The following LSAMP variants were observed in gnomAD, a reference collection of about 807,000 sequenced individuals.
LSAMP encodes limbic system-associated membrane protein.
In LSAMP, 7 loss-of-function variants were observed where a neutral mutation model predicts 38.6. The observed-to-expected ratio is 0.18, with a 90% CI of 0.10 to 0.34. LSAMP has a LOEUF of 0.34. Ranked by LOEUF, LSAMP falls within the 10% of genes least tolerant of loss-of-function variation. The probability of loss-of-function intolerance (pLI) is 1.00; values close to 1 mark genes in which losing one functional copy is unlikely to be tolerated. For synonymous variants in LSAMP, 154 were observed against 166.8 expected, an observed-to-expected ratio of 0.92 and a Z score of 0.59; for missense variants, 313 against 420.0, an observed-to-expected ratio of 0.75 and a Z score of 2.23.
chr3:116,086,644 C>G (rs1018587149), intron 1 of LSAMP, 88 bp from the exon 2 acceptor site: 2 of 978,478 alleles, frequency 2.0e-6, no homozygotes, highest in Middle Eastern at 2.1e-4. Context: ...CAAGTCTAAA[C>G]AAGGAAAATA....
chr3:115,816,743 C>T (rs41271383), intron 6 of LSAMP: 42 of 571,180 alleles, frequency 7.4e-5, no homozygotes, highest in African/African-American at 2.8e-4. Flanking sequence ...CACTGAAAGG[C>T]GAATAAGAGA....
At chr3:116,054,439 A>T (rs188480550) in intron 2 of LSAMP, among the ~76,000 whole-genome samples, 1 of 152,174 alleles carries the variant, frequency 6.6e-6, no homozygotes, top group Non-Finnish European at 1.5e-5. Context: ...TACCTCAGAC[A>T]TACTTAGCCC....
chr3:116,185,846 C>T (rs954752413), intron 1 of LSAMP, among the ~76,000 whole-genome samples: 2 of 147,754 alleles, frequency 1.4e-5, no homozygotes, highest in Non-Finnish European at 3.0e-5. Context: ...TTACTTACTG[C>T]TGAAAATGGA....
chr3:116,111,072 G>C (rs1288793705), intron 1 of LSAMP, among the ~76,000 whole-genome samples: 2 of 152,246 alleles, frequency 1.3e-5, no homozygotes, highest in Admixed American at 6.5e-5. Flanking sequence ...AGTTAAGGTG[G>C]GGCAGGAACA....
chr3:116,376,590 AT>A (rs1008960066), intron 1 of LSAMP, among the ~76,000 whole-genome samples: 1 of 151,942 alleles, frequency 6.6e-6, no homozygotes, highest in African/African-American at 2.4e-5. Context: ...GTCTGTAAGC[AT>A]TTTTTTCTTA....
chr3:115,997,753 T>TATATATACATAC (rs1377845663), intron 3 of LSAMP, among the ~76,000 whole-genome samples: 1 of 124,976 alleles, frequency 8.0e-6, no homozygotes, highest in African/African-American at 3.2e-5. Context: ...TATATATATA[T>TATATATACATAC]ACACACACAT....
intron 3 of LSAMP, among the ~76,000 whole-genome samples, chr3:115,951,818 G>A (rs1446641491): frequency 2.6e-5 from 4 of 151,970 alleles, no homozygotes; most frequent in Non-Finnish European, 5.9e-5. Flanking sequence ...CCTTCTGATT[G>A]TGTGAGTCAA....
intron 1 of LSAMP, among the ~76,000 whole-genome samples, chr3:116,087,735 C>A (rs887426176): frequency 5.9e-5 from 9 of 152,164 alleles, no homozygotes; most frequent in African/African-American, 1.7e-4. Context: ...AAAATTGATG[C>A]ATAACCCATA....
chr3:116,297,812 C>T (rs2047356195), intron 1 of LSAMP, among the ~76,000 whole-genome samples: 1 of 152,032 alleles, frequency 6.6e-6, no homozygotes, highest in Admixed American at 6.6e-5. Flanking sequence ...AAATATTCAT[C>T]CTTTGCACTT....
At chr3:116,434,788 G>C (rs2049325663) in intron 1 of LSAMP, among the ~76,000 whole-genome samples, 1 of 152,172 alleles carries the variant, frequency 6.6e-6, no homozygotes, top group Non-Finnish European at 1.5e-5. Flanking sequence ...TTGACCTTGT[G>C]ATCCGCCAGC....
At chr3:116,408,539 T>C (rs1005925785) in intron 1 of LSAMP, among the ~76,000 whole-genome samples, 1 of 152,072 alleles carries the variant, frequency 6.6e-6, no homozygotes, top group African/African-American at 2.4e-5. Flanking sequence ...GGTACAATCT[T>C]TCAATTTACA....
At chr3:116,101,719 A>G (rs1002384252) in intron 1 of LSAMP, among the ~76,000 whole-genome samples, 5 of 152,210 alleles carry the variant, frequency 3.3e-5, no homozygotes, top group Admixed American at 6.5e-5. Flanking sequence ...TAAAAAATAA[A>G]TACAATATGC....
intron 2 of LSAMP, among the ~76,000 whole-genome samples, chr3:116,024,516 T>C (rs907216501): frequency 1.3e-5 from 2 of 152,184 alleles, no homozygotes; most frequent in Non-Finnish European, 2.9e-5. Context: ...TTCAGGAACA[T>C]AGGAACCAAG....
intron 1 of LSAMP, among the ~76,000 whole-genome samples, chr3:116,104,641 T>G (rs1708421559): frequency 6.6e-6 from 1 of 152,184 alleles, no homozygotes; most frequent in East Asian, 1.9e-4. Context: ...AGGACTAAGA[T>G]AGTGTAGAAA....
chr3:116,131,694 G>A (rs542908336), intron 1 of LSAMP, among the ~76,000 whole-genome samples: 8 of 152,048 alleles, frequency 5.3e-5, no homozygotes, highest in East Asian at 1.9e-4. Flanking sequence ...AATCTTCCTC[G>A]TTGCTTAGGC....
intron 3 of LSAMP, among the ~76,000 whole-genome samples, chr3:116,003,083 T>C (rs1025992915): frequency 1.2e-4 from 19 of 152,280 alleles, no homozygotes; most frequent in African/African-American, 4.3e-4. Context: ...GCAGGTACCG[T>C]GGAAGGTACT....
At chr3:116,031,327 G>T (rs1317136836) in intron 2 of LSAMP, among the ~76,000 whole-genome samples, 2 of 151,930 alleles carry the variant, frequency 1.3e-5, no homozygotes, top group African/African-American at 4.8e-5. Context: ...TTATGACTTA[G>T]ATCAACCATG....
intron 3 of LSAMP, among the ~76,000 whole-genome samples, chr3:115,914,844 C>T (rs944966089): frequency 1.3e-5 from 2 of 152,176 alleles, no homozygotes; most frequent in Admixed American, 1.3e-4. Flanking sequence ...GAGGCTTCTT[C>T]ATTCTTCCTG....
chr3:116,237,416 T>A (rs2046479528), intron 1 of LSAMP, among the ~76,000 whole-genome samples: 1 of 152,160 alleles, frequency 6.6e-6, no homozygotes, highest in Admixed American at 6.6e-5. Flanking sequence ...CTAATGATTG[T>A]TGATAAGTGA....
Sources: gnomAD v4.1 joint callset for allele counts (sites outside exome capture counted in the v4.1 genomes callset) on GRCh38, gnomAD v4.1.1 for gene constraint, MANE v1.5 for transcripts, NCBI Gene and HGNC (gene_info 2026-07-23, HGNC 2026-07-21) for gene names.